HCN1: variants seen among roughly 807,000 people sequenced by gnomAD.
HCN1 encodes hyperpolarization activated cyclic nucleotide gated potassium channel 1.
Under a neutral mutation model 78.9 loss-of-function variants are expected in HCN1, and 13 were observed. The observed-to-expected ratio is 0.16, with a 90% CI of 0.11 to 0.26. The LOEUF (loss-of-function observed/expected upper bound fraction) is 0.26, where lower values mean the gene tolerates loss of function less well. Among genes scored for constraint, HCN1 ranks in the 10% least tolerant of loss-of-function variants. The probability of loss-of-function intolerance (pLI) is 1.00; values close to 1 mark genes in which losing one functional copy is unlikely to be tolerated. For synonymous variants in HCN1, 552 were observed against 455.5 expected (o/e 1.21, Z -2.70); for missense variants, 810 against 1,154.3 (o/e 0.70, Z 4.32).
intron 2 of HCN1, among the ~76,000 whole-genome samples, chr5:45,500,954 T>G (rs575119031): frequency 6.6e-6 from 1 of 152,198 alleles, no homozygotes; most frequent in Admixed American, 6.5e-5. Context: ...GTCACTTCTT[T>G]TGACAAACTT....
At chr5:45,646,931 G>T (rs1745559794) in intron 1 of HCN1, among the ~76,000 whole-genome samples, 1 of 152,080 alleles carries the variant, frequency 6.6e-6, no homozygotes. Context: ...TGTTTACCAA[G>T]ATATTTTTGT....
At chr5:45,641,826 A>G (rs892115691) in intron 2 of HCN1, 3 of 152,152 alleles carry the variant, frequency 2.0e-5, no homozygotes, top group Non-Finnish European at 4.4e-5. Context: ...ATAATCTCCT[A>G]TTCACTAAGC....
intron 4 of HCN1, among the ~76,000 whole-genome samples, chr5:45,359,467 T>C (rs1747070365): frequency 6.6e-6 from 1 of 151,404 alleles, no homozygotes; most frequent in Non-Finnish European, 1.5e-5. Flanking sequence ...GATAATTTTA[T>C]AGTGTAGTGC....
At chr5:45,333,673 G>T (rs920158349) in intron 5 of HCN1, among the ~76,000 whole-genome samples, 8 of 151,754 alleles carry the variant, frequency 5.3e-5, no homozygotes, top group Middle Eastern at 3.2e-3. Context: ...TATGGCTAGA[G>T]ATAGGGGTCT....
intron 3 of HCN1, among the ~76,000 whole-genome samples, chr5:45,443,944 C>T (rs1224893780): frequency 6.6e-6 from 1 of 152,106 alleles, no homozygotes; most frequent in Non-Finnish European, 1.5e-5. Flanking sequence ...TCATCCTGAT[C>T]TGCCATAATG....
intron 2 of HCN1, among the ~76,000 whole-genome samples, chr5:45,491,644 T>G (rs781674931): frequency 2.7e-4 from 41 of 152,232 alleles, no homozygotes; most frequent in Non-Finnish European, 5.0e-4. Flanking sequence ...GCTTTGTATT[T>G]AGACATGTGC....
At chr5:45,693,856 A>G (rs1370076690) in intron 1 of HCN1, among the ~76,000 whole-genome samples, 4 of 152,244 alleles carry the variant, frequency 2.6e-5, no homozygotes, top group Non-Finnish European at 1.5e-5. Context: ...ATTAAATGTT[A>G]AAAGTTCAGC....
At chr5:45,352,370 T>C (rs1055091731) in intron 5 of HCN1, among the ~76,000 whole-genome samples, 1 of 145,184 alleles carries the variant, frequency 6.9e-6, no homozygotes, top group Non-Finnish European at 1.5e-5. Context: ...CTCTGGGGAG[T>C]GTTGTGCAGT....
intron 1 of HCN1, among the ~76,000 whole-genome samples, chr5:45,660,155 T>A (rs1455942289): frequency 8.2e-6 from 1 of 121,628 alleles, no homozygotes; most frequent in Non-Finnish European, 1.7e-5. Flanking sequence ...TATTCAACAT[T>A]CTTAAAGAAA....
At chr5:45,550,865 G>A (rs564050912) in intron 2 of HCN1, among the ~76,000 whole-genome samples, 11 of 151,998 alleles carry the variant, frequency 7.2e-5, no homozygotes, top group Admixed American at 6.6e-4. Flanking sequence ...AAACTCATTT[G>A]TATATTAAAG....
At chr5:45,641,387 T>C (rs1561229366) in intron 2 of HCN1, among the ~76,000 whole-genome samples, 2 of 152,122 alleles carry the variant, frequency 1.3e-5, no homozygotes, top group African/African-American at 4.8e-5. Context: ...AAATCTAATA[T>C]TGGTTTCAAG....
chr5:45,436,519 G>A (rs1002590422), intron 3 of HCN1, among the ~76,000 whole-genome samples: 11 of 152,096 alleles, frequency 7.2e-5, no homozygotes, highest in South Asian at 2.1e-4. Flanking sequence ...ATAATTTAAT[G>A]ATAAACCAGT....
chr5:45,673,705 T>G (rs1746202962), intron 1 of HCN1, among the ~76,000 whole-genome samples: 1 of 151,588 alleles, frequency 6.6e-6, no homozygotes, highest in African/African-American at 2.4e-5. Flanking sequence ...AGAAATGTAT[T>G]TGTCTTCAAA....
In HCN1 at chr5:45,340,676, G is replaced by C. The variant is rs1315888550; in HGVS notation, c.1377+12424C>G. 2.0e-5 allele frequency among the ~76,000 whole-genome samples: 3 copies of C among 151,870 alleles called. No homozygotes were observed. The East Asian group carries it at 5.8e-4, about 30-fold the overall frequency. On this transcript the variant is annotated intron_variant, in intron 5 of 7. Coordinates refer to ENST00000303230, the MANE Select transcript of HCN1 (RefSeq NM_021072.4). Reference sequence around the variant, plus strand: ...TTTTTTTTTAAACAACTGATACCAGGGTCTTCAAAAAGCTTATGGAAGGTG... The same window carrying C: ...TTTTTTTTTAAACAACTGATACCAGCGTCTTCAAAAAGCTTATGGAAGGTG...
At chr5:45,421,138 A>C (rs10058550) in intron 3 of HCN1, among the ~76,000 whole-genome samples, 141,090 of 151,964 alleles carry the variant, frequency 0.93, 65,711 homozygotes, top group East Asian at 1. Flanking sequence ...TCTCAGCTCA[A>C]TGCAAGCTCT....
rs181099248 is a variant in HCN1 at position 45,439,855 on chromosome 5, C to G, written c.1011+21991G>C. Among the ~76,000 whole-genome samples the G allele has an allele frequency of 1.7e-3, 260 of 150,832 alleles. 1 individual carries two copies. The highest frequency in any genetic ancestry group is 6.1e-3 in the African/African-American group (251 of 41,152). ...ATTGAAGGAGACTGGCAGGAAGGTA[C>G]GAAGAAACATAAAACACTAACATTT... On this transcript the variant is annotated intron_variant, in intron 3 of 7. Coordinates refer to ENST00000303230, the MANE Select transcript of HCN1 (RefSeq NM_021072.4).
chr5:45,290,097 C>A (rs189835867), intron 6 of HCN1, among the ~76,000 whole-genome samples: 1 of 151,792 alleles, frequency 6.6e-6, no homozygotes, highest in Non-Finnish European at 1.5e-5. Context: ...ATAACTGTCA[C>A]GAGATCTGAT....
At chr5:45,447,904 GAGAA>G (rs1277031268) in intron 3 of HCN1, among the ~76,000 whole-genome samples, 1 of 151,512 alleles carries the variant, frequency 6.6e-6, no homozygotes, top group African/African-American at 2.4e-5. Flanking sequence ...ATATGAGACA[GAGAA>G]AGAAAGGCTA....
At chr5:45,284,907 G>T (rs893225465) in intron 6 of HCN1, among the ~76,000 whole-genome samples, 1 of 151,992 alleles carries the variant, frequency 6.6e-6, no homozygotes, top group Non-Finnish European at 1.5e-5. Flanking sequence ...AGAGAGATGG[G>T]TCTATTTAAA....
Sources: allele counts gnomAD v4.1 joint callset (sites outside exome capture counted in the v4.1 genomes callset), GRCh38; gene constraint gnomAD v4.1.1; transcripts MANE v1.5; gene names NCBI Gene and HGNC (gene_info 2026-07-23, HGNC 2026-07-21).